INTS4: variants seen among roughly 807,000 people sequenced by gnomAD.
INTS4 encodes the protein MSTP093.
A neutral mutation model predicts 119.5 loss-of-function variants in INTS4; 70 were observed. The ratio of observed to expected loss-of-function variants is 0.59; its 90% CI spans 0.48 to 0.71. INTS4 has a LOEUF of 0.71. INTS4 is among the 30% of genes least tolerant of loss of function. The pLI is 0.00. For missense variants in INTS4, 867 were observed against 1,173.2 expected (o/e 0.74, Z 3.81); for synonymous variants, 316 against 419.6 (o/e 0.75, Z 3.02).
chr11:77,878,972 TTA>T lies in INTS4; in HGVS notation c.2867_2868del (p.Ile956AsnfsTer31), dbSNP rs1565217966. ...IPFSKPVKVY[I>X]MPKPARR ...CCTTAGCGCCGTGCAGGTTTGGGCA[TTA>T]TATAAACTTTTACAGGCTTGCTGAA... On this transcript the variant is annotated frameshift_variant, in exon 23 of 23. Coordinates refer to ENST00000534064, the MANE Select transcript of INTS4 (RefSeq NM_033547.4). LOFTEE classifies it high-confidence loss of function. 6.2e-7 allele frequency: 1 copy of T among 1,614,012 alleles called. No individual in the cohort carries two copies. Among genetic ancestry groups the T allele is most frequent in the Middle Eastern group, 1.7e-4 (1 of 6,020 alleles).
rs1280952607 is a variant in INTS4 at position 77,924,744 on chromosome 11, C to A, written c.1514+6G>T. ...TCAGTGAGTAAATGGGCAAAAAAGTCATTACTTCCATATGGAGTCCCTATC... is the reference window on the plus strand; with the variant it reads ...TCAGTGAGTAAATGGGCAAAAAAGTAATTACTTCCATATGGAGTCCCTATC... On this transcript the variant is annotated splice_donor_region_variant and intron_variant, in intron 12 of 22. Coordinates refer to ENST00000534064, the MANE Select transcript of INTS4 (RefSeq NM_033547.4). 2.5e-6 allele frequency: 4 copies of A among 1,605,200 alleles called. No homozygotes were observed. The Admixed American group carries it at 5.0e-5, about 20-fold the overall frequency.
intron 1 of INTS4, among the ~76,000 whole-genome samples, chr11:77,994,068 A>T (rs1856801845): frequency 6.6e-6 from 1 of 152,022 alleles, no homozygotes; most frequent in Non-Finnish European, 1.5e-5. Context: ...CTCTTCCCCT[A>T]TGAAGTCTGT....
intron 16 of INTS4, among the ~76,000 whole-genome samples, chr11:77,906,884 A>T (rs1189829733): frequency 6.6e-6 from 1 of 152,190 alleles, no homozygotes; most frequent in African/African-American, 2.4e-5. Flanking sequence ...CTGTGCCAAA[A>T]TTTATAGTAA....
At chr11:77,966,922 G>T (rs1456809884) in intron 4 of INTS4, among the ~76,000 whole-genome samples, 1 of 152,114 alleles carries the variant, frequency 6.6e-6, no homozygotes, top group Non-Finnish European at 1.5e-5. Flanking sequence ...TTAGGGAACT[G>T]TCATACTGTT....
rs774332448 is a variant in INTS4, at chr11:77,879,086, A to C, written c.2755T>G (p.Ser919Ala). The change falls in exon 23 of 23, where the codon TCC becomes GCC. Residue 919 changes from serine (S) to alanine (A), a missense_variant. Transcript: ENST00000534064. Reference sequence around the variant, plus strand: ...GGGCATTTTGGAATGCGAGCACTGGAGTTGTAGGCCAGCAGCAGCCTCACT... The same window carrying C: ...GGGCATTTTGGAATGCGAGCACTGGCGTTGTAGGCCAGCAGCAGCCTCACT... ...VEVRLLLAYN[S>A]SARIPKCPWM... is the part of the protein sequence containing the mutation. 6.2e-7 allele frequency: 1 copy of C among 1,614,160 alleles called. No homozygotes were observed.
chr11:77,960,830 C>T, intron 5 of INTS4, 123 bp downstream of exon 5: 1 of 897,622 alleles, frequency 1.1e-6, no homozygotes, highest in Non-Finnish European at 1.7e-6. Flanking sequence ...TGCGAGGCCA[C>T]CACCAATACC....
At position 77,921,418 on chromosome 11, in the gene INTS4, TG is replaced by T. The variant is rs774066220; in HGVS notation, c.1685del (p.Pro562GlnfsTer26). 1 of 1,603,930 alleles carries T rather than the reference TG, an allele frequency of 6.2e-7. No individual in the cohort carries two copies. Among genetic ancestry groups the T allele is most frequent in the South Asian group, 1.1e-5 (1 of 90,860 alleles). On this transcript the variant is annotated frameshift_variant, in exon 14 of 23. Coordinates refer to ENST00000534064, the MANE Select transcript of INTS4 (RefSeq NM_033547.4). LOFTEE classifies it high-confidence loss of function. ...FNAAKTCPTMPALFSDHTFRH... is the reference protein window; with the variant it reads ...FNAAKTCPTMXALFSDHTFRH... Reference sequence around the variant, plus strand: ...TGAAGGTGTGATCTGAGAACAATGCTGGCATTGTTGGACAGGTTTTAGCAGC... The same window carrying T: ...TGAAGGTGTGATCTGAGAACAATGCTGCATTGTTGGACAGGTTTTAGCAGC...
Position 77,981,745 on chromosome 11 carries a change from T to C in INTS4, c.247-169A>G, listed in dbSNP as rs1231559143. Among the ~76,000 whole-genome samples the C allele has an allele frequency of 5.1e-5, 5 of 97,836 alleles. No individual in the cohort carries two copies. The East Asian group carries it at 1.3e-3, about 26-fold the overall frequency. 64.2% of individuals were successfully genotyped at this position (97,836 alleles called of 152,430 possible). A position where few individuals can be genotyped will look rare whatever the true frequency, so the allele number is the denominator to read the frequency against. On this transcript the variant is annotated intron_variant, in intron 2 of 22. Transcript: ENST00000534064. ...TTCTGGAGAGACAGCTTTCTTTTAT[T>C]TATTTATTTATTTATTTATTTATTT...
chr11:77,895,742 A>G (rs1167686115), intron 18 of INTS4, among the ~76,000 whole-genome samples: 1 of 152,092 alleles, frequency 6.6e-6, no homozygotes, highest in Non-Finnish European at 1.5e-5. Flanking sequence ...GCCTGATTAT[A>G]TAGAGAATCA....
chr11:77,909,946 C>G (rs530384565), intron 15 of INTS4, among the ~76,000 whole-genome samples: 31 of 152,150 alleles, frequency 2.0e-4, no homozygotes, highest in Non-Finnish European at 4.1e-4. Flanking sequence ...GGAATCAACA[C>G]GTGCTGGAGA....
chr11:77,965,525 T>C (rs1203088526), intron 4 of INTS4, among the ~76,000 whole-genome samples: 2 of 152,128 alleles, frequency 1.3e-5, no homozygotes, highest in African/African-American at 2.4e-5. Context: ...TGATCATCAC[T>C]CTACTCTCTT....
chr11:77,911,116 A>T, intron 15 of INTS4: 10 of 1,272,024 alleles, frequency 7.9e-6, no homozygotes, highest in Non-Finnish European at 1.0e-5. Context: ...ATAGTTAACG[A>T]TGCCTCCTGG....
intron 16 of INTS4, among the ~76,000 whole-genome samples, chr11:77,906,960 A>C (rs1347080440): frequency 1.3e-5 from 2 of 152,236 alleles, no homozygotes; most frequent in African/African-American, 4.8e-5. Context: ...GCAAAACTAA[A>C]TAGATTCTTG....
At chr11:77,962,237 C>T (rs764840314) in intron 4 of INTS4, among the ~76,000 whole-genome samples, 4 of 152,258 alleles carry the variant, frequency 2.6e-5, no homozygotes, top group South Asian at 2.1e-4. Context: ...GAGCCATGAT[C>T]ATGCCACTGC....
intron 16 of INTS4, among the ~76,000 whole-genome samples, chr11:77,905,699 G>A (rs1437879622): frequency 5.3e-5 from 8 of 152,204 alleles, no homozygotes; most frequent in Non-Finnish European, 1.2e-4. Context: ...ATGCAGTGGT[G>A]ACCCAGCACA....
At chr11:77,979,909 C>T (rs1856130458) in intron 3 of INTS4, among the ~76,000 whole-genome samples, 2 of 141,548 alleles carry the variant, frequency 1.4e-5, no homozygotes, top group South Asian at 2.3e-4. Context: ...ACCCGGGAGG[C>T]GGAGGTTGCA....
At chr11:77,977,300 T>C (rs1855991486) in intron 4 of INTS4, among the ~76,000 whole-genome samples, 1 of 152,066 alleles carries the variant, frequency 6.6e-6, no homozygotes, top group Non-Finnish European at 1.5e-5. Flanking sequence ...AGGTAAAAAG[T>C]ATGGTTTAAT....
chr11:77,987,585 G>A, intron 2 of INTS4: 1 of 443,194 alleles, frequency 2.3e-6, no homozygotes, highest in South Asian at 1.6e-5. Flanking sequence ...CCTGATTTTG[G>A]TCAGATGTGG....
At chr11:77,971,922 A>C (rs1471912204) in intron 4 of INTS4, among the ~76,000 whole-genome samples, 1 of 152,156 alleles carries the variant, frequency 6.6e-6, no homozygotes, top group Non-Finnish European at 1.5e-5. Context: ...TCTTTGACTC[A>C]TTTTGAGTTA....
Sources: gnomAD v4.1 joint callset for allele counts (sites outside exome capture counted in the v4.1 genomes callset) on GRCh38, gnomAD v4.1.1 for gene constraint, MANE v1.5 for transcripts, NCBI Gene and HGNC (gene_info 2026-07-23, HGNC 2026-07-21) for gene names.